Variants in TSPAN18 observed in about 807,000 individuals in gnomAD.
The protein encoded by TSPAN18 is tetraspanin-18.
In TSPAN18, 14 loss-of-function variants were observed where a neutral mutation model predicts 27.3. The ratio of observed to expected loss-of-function variants is 0.51; its 90% CI spans 0.34 to 0.80. The LOEUF (loss-of-function observed/expected upper bound fraction) is 0.80. TSPAN18 is among the 30% of genes least tolerant of loss of function. The probability of loss-of-function intolerance (pLI) is 0.01; values close to 1 mark genes in which losing one functional copy is unlikely to be tolerated. For synonymous variants in TSPAN18, 143 were observed against 136.5 expected (o/e 1.05, Z -0.33); for missense variants, 268 against 323.9 (o/e 0.83, Z 1.32).
chr11:44,876,768 C>T (rs1858344489), intron 3 of TSPAN18, among the ~76,000 whole-genome samples: 1 of 152,200 alleles, frequency 6.6e-6, no homozygotes, highest in South Asian at 2.1e-4. Flanking sequence ...CAGTCAGCTA[C>T]TCTTTGGTAC....
intron 1 of TSPAN18, among the ~76,000 whole-genome samples, chr11:44,727,826 G>A (rs1854554003): frequency 6.6e-6 from 1 of 152,202 alleles, no homozygotes; most frequent in Non-Finnish European, 1.5e-5. Flanking sequence ...CGTTCCTCCA[G>A]GACCCCCCTT....
chr11:44,868,742 G>A (rs1304851842), intron 3 of TSPAN18, among the ~76,000 whole-genome samples: 1 of 152,270 alleles, frequency 6.6e-6, no homozygotes, highest in African/African-American at 2.4e-5. Context: ...TCCTTGGGGC[G>A]GGCAGAACCG....
rs370907948 is a variant in TSPAN18, at chr11:44,908,769, GAGAAAGAAAGAA to G, written c.64-886_64-875del. Among the ~76,000 whole-genome samples, 556 of 71,686 alleles carry G rather than the reference GAGAAAGAAAGAA, an allele frequency of 7.8e-3. 52 individuals carry two copies. The highest frequency in any genetic ancestry group is 0.027 in the East Asian group (62 of 2,296). The allele number at this position is 71,686 out of a possible 152,430, so 47.0% of individuals were successfully genotyped here. On this transcript the variant is annotated intron_variant, in intron 4 of 9. Coordinates refer to ENST00000520358, the MANE Select transcript of TSPAN18 (RefSeq NM_130783.5). ...AAGAGAGAGAGAGAGAGAGAGAAAG[GAGAAAGAAAGAA>G]AGAAAGAAAGAAAGAAAGAAAGAAA...
At chr11:44,726,913 GGA>G (rs1854523257), upstream of TSPAN18, 2 of 128,914 alleles carry the variant, frequency 1.6e-5, no homozygotes, top group South Asian at 2.9e-4. Flanking sequence ...GCGGGGGAGG[GGA>G]GGGACGGACG....
intron 3 of TSPAN18, among the ~76,000 whole-genome samples, chr11:44,882,593 C>G (rs919385396): frequency 1.4e-5 from 1 of 70,496 alleles, no homozygotes; most frequent in African/African-American, 3.8e-5. Context: ...GAGAGACACA[C>G]ACACACACAC....
In TSPAN18 at chr11:44,897,921, C is replaced by T. The variant is rs1393380715; in HGVS notation, c.-10-8486C>T. On this transcript the variant is annotated intron_variant, in intron 3 of 9. Coordinates refer to ENST00000520358, the MANE Select transcript of TSPAN18 (RefSeq NM_130783.5). ...CTCCACTCTGATCCTTTCCAATCTG[C>T]CTGTTTGCCTCTGTGTCTCCTTCGG... The T allele has an allele frequency of 1.2e-5, 15 of 1,221,002 alleles. No individual in the cohort carries two copies. The Admixed American group carries it at 2.8e-4, about 23-fold the overall frequency. The allele number at this position is 1,221,002 out of a possible 1,614,324, so 75.6% of individuals were successfully genotyped here.
intron 2 of TSPAN18, among the ~76,000 whole-genome samples, chr11:44,774,185 A>G (rs1190632082): frequency 6.6e-6 from 1 of 152,194 alleles, no homozygotes; most frequent in African/African-American, 2.4e-5. Context: ...TTTCTCCTGG[A>G]CTTCAAAGAC....
rs576373420 is a variant in TSPAN18 at position 44,911,570 on chromosome 11, C to T, written c.258+1671C>T. On this transcript the variant is annotated intron_variant, in intron 5 of 9. Coordinates refer to ENST00000520358, the MANE Select transcript of TSPAN18 (RefSeq NM_130783.5). ...TCGCAGAAGTCTTGGCTGGGGAGCC[C>T]GAGGGGACTTTAAAAGGAGCTTGGA... is the stretch of plus-strand genomic sequence containing the variant. Among the ~76,000 whole-genome samples, 12 of 152,178 alleles carry T rather than the reference C, an allele frequency of 7.9e-5. No individual in the cohort carries two copies. In the South Asian group the frequency reaches 1.7e-3, roughly 21 times the overall value.
Position 44,930,787 on chromosome 11 carries a change from T to C in TSPAN18, c.*1609T>C. On this transcript the variant is annotated 3_prime_UTR_variant, in exon 10 of 10. Transcript: ENST00000520358. ...TGCCAGGCACCGTAAGTTTGATTAG[T>C]GATGTCTGCCACGGGCAGGGATGGA... 1 of 467,462 alleles carries C rather than the reference T, an allele frequency of 2.1e-6. No homozygotes were observed. The highest frequency in any genetic ancestry group is 3.3e-4 in the Middle Eastern group (1 of 3,060). The allele number at this position is 467,462 out of a possible 1,614,324, so 29.0% of individuals were successfully genotyped here. A position where few individuals can be genotyped will look rare whatever the true frequency, so the allele number is the denominator to read the frequency against.
At chr11:44,923,555 C>A (rs1860227542) in intron 8 of TSPAN18, among the ~76,000 whole-genome samples, 1 of 152,136 alleles carries the variant, frequency 6.6e-6, no homozygotes, top group Non-Finnish European at 1.5e-5. Flanking sequence ...GAGAACCCAG[C>A]CGCTCATGCC....
chr11:44,860,736 G>C (rs1857857048), intron 3 of TSPAN18, among the ~76,000 whole-genome samples: 3 of 152,216 alleles, frequency 2.0e-5, no homozygotes, highest in Admixed American at 2.0e-4. Context: ...AGGCTGAGGT[G>C]CAGGCTAGCC....
intron 2 of TSPAN18, among the ~76,000 whole-genome samples, chr11:44,858,846 C>T (rs1295167047): frequency 6.6e-6 from 1 of 152,180 alleles, no homozygotes; most frequent in South Asian, 2.1e-4. Flanking sequence ...AATGGCATGG[C>T]TGTGTATGCT....
chr11:44,794,496 C>T (rs1369204629), intron 2 of TSPAN18, among the ~76,000 whole-genome samples: 4 of 152,090 alleles, frequency 2.6e-5, no homozygotes, highest in African/African-American at 9.7e-5. Flanking sequence ...GGAGAAATCT[C>T]GTCTCTACTA....
chr11:44,771,035 G>A (rs1590442508), intron 2 of TSPAN18, among the ~76,000 whole-genome samples: 1 of 152,278 alleles, frequency 6.6e-6, no homozygotes, highest in East Asian at 1.9e-4. Context: ...GGGTTCAGGG[G>A]TGAGGGTGGG....
chr11:44,813,560 C>T (rs1856763341), intron 2 of TSPAN18, among the ~76,000 whole-genome samples: 1 of 152,170 alleles, frequency 6.6e-6, no homozygotes, highest in Non-Finnish European at 1.5e-5. Flanking sequence ...TTCCACTCAG[C>T]AGGCGCTGCT....
rs145582474 is a variant in TSPAN18 at position 44,819,245 on chromosome 11, G to C, written c.-152-41083G>C. ...TCTAGGCTCCTGCTCTGTGCCCCTG[G>C]CTGGGAATTTGCACCCACGCAAGCT... On this transcript the variant is annotated intron_variant, in intron 2 of 9. Transcript: ENST00000520358. Among the ~76,000 whole-genome samples, 501 of 152,292 alleles carry C rather than the reference G, an allele frequency of 3.3e-3. 6 individuals carry two copies. The highest frequency in any genetic ancestry group is 9.0e-3 in the African/African-American group (374 of 41,568).
intron 3 of TSPAN18, chr11:44,897,683 A>C: frequency 9.4e-7 from 1 of 1,068,188 alleles, no homozygotes; most frequent in Non-Finnish European, 1.3e-6. Flanking sequence ...TTTCATAAAC[A>C]GCTCCTTTCA....
chr11:44,910,522 C>T (rs1859669763), intron 5 of TSPAN18, among the ~76,000 whole-genome samples: 1 of 152,230 alleles, frequency 6.6e-6, no homozygotes, highest in Non-Finnish European at 1.5e-5. Flanking sequence ...AAGGCATGGT[C>T]AGCTGAGAGC....
At chr11:44,881,096 T>C (rs1858477183) in intron 3 of TSPAN18, among the ~76,000 whole-genome samples, 1 of 152,238 alleles carries the variant, frequency 6.6e-6, no homozygotes, top group Non-Finnish European at 1.5e-5. Context: ...CTTTCTAGTG[T>C]GTGACCTTGA....
Sources: gnomAD v4.1 joint callset for allele counts (sites outside exome capture counted in the v4.1 genomes callset) on GRCh38, gnomAD v4.1.1 for gene constraint, MANE v1.5 for transcripts, NCBI Gene and HGNC (gene_info 2026-07-23, HGNC 2026-07-21) for gene names.